The following NDST3 variants were observed in gnomAD, a reference collection of about 807,000 sequenced individuals.
The protein encoded by NDST3 is bifunctional heparan sulfate N-deacetylase/N-sulfotransferase 3.
In NDST3, 58 loss-of-function variants were observed where a neutral mutation model predicts 96.1. The ratio of observed to expected loss-of-function variants is 0.60; its 90% confidence interval spans 0.49 to 0.75. The LOEUF (loss-of-function observed/expected upper bound fraction) is 0.75, where lower values mean the gene tolerates loss of function less well. Among genes scored for constraint, NDST3 ranks in the 30% least tolerant of loss-of-function variants. The probability of loss-of-function intolerance (pLI) is 0.00; values close to 1 mark genes in which losing one functional copy is unlikely to be tolerated. For synonymous variants in NDST3, 333 were observed against 359.7 expected (o/e 0.93, Z 0.84); for missense variants, 788 against 1,034.2 (o/e 0.76, Z 3.27).
At chr4:118,161,129 G>A (rs571189391) in intron 6 of NDST3, among the ~76,000 whole-genome samples, 21 of 152,342 alleles carry the variant, frequency 1.4e-4, no homozygotes, top group Admixed American at 3.3e-4. Context: ...GTTTGCTAGA[G>A]GTCCACTCCA....
At chr4:118,248,121 C>T (rs1021553228) in intron 12 of NDST3, among the ~76,000 whole-genome samples, 2 of 152,118 alleles carry the variant, frequency 1.3e-5, no homozygotes, top group African/African-American at 2.4e-5. Flanking sequence ...GAGGCCGAGG[C>T]GGGTGGATCA....
At chr4:118,218,074 A>G (rs1739301823) in intron 6 of NDST3, among the ~76,000 whole-genome samples, 1 of 152,130 alleles carries the variant, frequency 6.6e-6, no homozygotes, top group Middle Eastern at 3.4e-3. Flanking sequence ...ACCAAAAAAA[A>G]GCCCAAGACC....
chr4:118,247,717 A>G (rs1443813161), intron 12 of NDST3, among the ~76,000 whole-genome samples: 6 of 152,220 alleles, frequency 3.9e-5, no homozygotes, highest in Non-Finnish European at 2.9e-5. Flanking sequence ...CTTGCTAAAT[A>G]GTGCTGAATT....
chr4:118,256,188 C>T lies in NDST3; in HGVS notation c.*476C>T, dbSNP rs1297216833. 1.3e-5 allele frequency: 2 copies of T among 152,114 alleles called. No homozygotes were observed. The highest frequency in any genetic ancestry group is 4.8e-5 in the African/African-American group (2 of 41,400). 9.4% of individuals were successfully genotyped at this position (152,114 alleles called of 1,614,324 possible). A position where few individuals can be genotyped will look rare whatever the true frequency, so the allele number is the denominator to read the frequency against. On this transcript the variant is annotated 3_prime_UTR_variant, in exon 14 of 14. Coordinates refer to ENST00000296499, the MANE Select transcript of NDST3 (RefSeq NM_004784.3). ...GTAGCATAAAATGTCAAAAGCATAA[C>T]ACCCATGAAAAATGCTTGCCAAAAT...
intron 6 of NDST3, among the ~76,000 whole-genome samples, chr4:118,164,574 G>C (rs77538858): frequency 1.2e-3 from 182 of 152,214 alleles, no homozygotes; most frequent in Middle Eastern, 0.01. Context: ...TACAAGAAAT[G>C]CTAAAAGGAG....
intron 4 of NDST3, among the ~76,000 whole-genome samples, chr4:118,115,552 T>C (rs1578666101): frequency 6.6e-6 from 1 of 152,276 alleles, no homozygotes; most frequent in Non-Finnish European, 1.5e-5. Context: ...GTTAAAAGCA[T>C]TGCAAACATA....
At chr4:118,157,604 A>C (rs1392385742) in intron 6 of NDST3, among the ~76,000 whole-genome samples, 2 of 151,968 alleles carry the variant, frequency 1.3e-5, no homozygotes, top group African/African-American at 4.8e-5. Context: ...TTGTATTTTT[A>C]GTAGAGACAG....
intron 2 of NDST3, among the ~76,000 whole-genome samples, chr4:118,056,296 CT>C (rs1395520921): frequency 6.6e-6 from 1 of 151,572 alleles, no homozygotes; most frequent in Non-Finnish European, 1.5e-5. Flanking sequence ...ATGTAGCCCC[CT>C]GTTTCCCCTA....
In NDST3 at chr4:118,106,076, G is replaced by A. The variant is rs186021990; in HGVS notation, c.1069+971G>A. 2.0e-3 allele frequency among the ~76,000 whole-genome samples: 307 copies of A among 152,150 alleles called. 3 individuals carry two copies. Among genetic ancestry groups the A allele is most frequent in the African/African-American group, 6.9e-3 (287 of 41,518 alleles). On this transcript the variant is annotated intron_variant, in intron 3 of 13. Coordinates refer to ENST00000296499, the MANE Select transcript of NDST3 (RefSeq NM_004784.3). ...GAAGAGCAGTAAATGATCTTTGTTC[G>A]TATGTTGGCTGGCTATTTGGATATC...
intron 10 of NDST3, among the ~76,000 whole-genome samples, chr4:118,237,567 A>C (rs933650050): frequency 5.9e-5 from 9 of 152,144 alleles, no homozygotes; most frequent in Non-Finnish European, 1.3e-4. Flanking sequence ...TTCATCTAAT[A>C]CTTGTGTACT....
chr4:118,052,498 A>C (rs1453774512), intron 1 of NDST3, among the ~76,000 whole-genome samples: 2 of 152,022 alleles, frequency 1.3e-5, no homozygotes, highest in African/African-American at 2.4e-5. Flanking sequence ...CAGTATCCCC[A>C]GGTAGTAAAC....
At position 118,255,713 on chromosome 4, in the gene NDST3, C is replaced by G. The variant is rs1408788405; in HGVS notation, c.*1C>G. The G allele has an allele frequency of 2.5e-6, 4 of 1,607,468 alleles. No homozygotes were observed. The highest frequency in any genetic ancestry group is 3.4e-6 in the Non-Finnish European group (4 of 1,176,756). ...ACAGGAGCTGCAGAAAGTAAGATAGCACTGAGAGAAAACTTGAGACTTCAT... is the reference window on the plus strand; with the variant it reads ...ACAGGAGCTGCAGAAAGTAAGATAGGACTGAGAGAAAACTTGAGACTTCAT... On this transcript the variant is annotated 3_prime_UTR_variant, in exon 14 of 14. Coordinates refer to ENST00000296499, the MANE Select transcript of NDST3 (RefSeq NM_004784.3).
At chr4:118,078,559 T>C (rs1487332952) in intron 2 of NDST3, among the ~76,000 whole-genome samples, 1 of 152,138 alleles carries the variant, frequency 6.6e-6, no homozygotes, top group Admixed American at 6.6e-5. Context: ...GAGACCAGCC[T>C]GGCCAACATG....
chr4:118,193,598 A>G (rs1230961411), intron 6 of NDST3: 1 of 1,197,784 alleles, frequency 8.3e-7, no homozygotes, highest in East Asian at 2.3e-5. Flanking sequence ...CTGCTGGCAC[A>G]CAGCCAGCTG....
At chr4:118,060,738 A>G (rs1412422003) in intron 2 of NDST3, among the ~76,000 whole-genome samples, 1 of 149,676 alleles carries the variant, frequency 6.7e-6, no homozygotes, top group Admixed American at 6.7e-5. Flanking sequence ...TTTTTTTAGT[A>G]GTTTCTCCAA....
chr4:118,183,866 T>C (rs151255738), intron 6 of NDST3, among the ~76,000 whole-genome samples: 7 of 152,362 alleles, frequency 4.6e-5, no homozygotes, highest in African/African-American at 1.7e-4. Context: ...GGCTTCTATG[T>C]GCGTCAGGCT....
chr4:118,176,684 T>C (rs1346863052), intron 6 of NDST3, among the ~76,000 whole-genome samples: 1 of 152,090 alleles, frequency 6.6e-6, no homozygotes, highest in Non-Finnish European at 1.5e-5. Flanking sequence ...CATTAAGAAA[T>C]ATTTATTAAA....
At chr4:118,077,925 T>C (rs1038227693) in intron 2 of NDST3, among the ~76,000 whole-genome samples, 3 of 151,960 alleles carry the variant, frequency 2.0e-5, no homozygotes, top group Non-Finnish European at 4.4e-5. Context: ...GTGAGTGGGG[T>C]TGCCCGCCCT....
chr4:118,080,407 C>A (rs1378784433), intron 2 of NDST3, among the ~76,000 whole-genome samples: 1 of 152,024 alleles, frequency 6.6e-6, no homozygotes, highest in Non-Finnish European at 1.5e-5. Context: ...TGGGAAAAGA[C>A]AGTAGAGAAG....
Sources: gnomAD v4.1 joint callset for allele counts (sites outside exome capture counted in the v4.1 genomes callset) on GRCh38, gnomAD v4.1.1 for gene constraint, MANE v1.5 for transcripts, NCBI Gene and HGNC (gene_info 2026-07-23, HGNC 2026-07-21) for gene names.